Variants in ABLIM1 observed in about 807,000 individuals in gnomAD.
The protein encoded by ABLIM1 is actin-binding LIM protein 1.
In ABLIM1, 40 loss-of-function variants were observed where a neutral mutation model predicts 107.0. That is an observed-to-expected ratio of 0.37 (90% CI 0.29 to 0.49). ABLIM1 has a LOEUF of 0.49. Among genes scored for constraint, ABLIM1 ranks in the 20% least tolerant of loss-of-function variants. ABLIM1 has a pLI of 0.97. For missense variants in ABLIM1, 857 were observed against 1,008.5 expected, an observed-to-expected ratio of 0.85 and a Z score of 2.04; for synonymous variants, 357 against 357.3, an observed-to-expected ratio of 1.00 and a Z score of 0.01.
intron 6 of ABLIM1, among the ~76,000 whole-genome samples, chr10:114,494,554 C>T (rs2059423666): frequency 1.3e-5 from 2 of 150,844 alleles, no homozygotes; most frequent in Admixed American, 1.3e-4. Flanking sequence ...CCAAACCAAA[C>T]AACAACAACA....
chr10:114,759,050 G>A (rs185879685), intron 1 of ABLIM1, among the ~76,000 whole-genome samples: 120 of 152,114 alleles, frequency 7.9e-4, no homozygotes, highest in Non-Finnish European at 1.1e-3. Context: ...CAACATGATC[G>A]CCAATCAATC....
intron 14 of ABLIM1, chr10:114,450,077 A>T (rs887652140): frequency 1.3e-5 from 5 of 394,442 alleles, no homozygotes; most frequent in Non-Finnish European, 2.5e-5. Context: ...TAAGTTGACA[A>T]ATCAAATGCT....
chr10:114,701,017 G>T (rs897513101), intron 1 of ABLIM1, among the ~76,000 whole-genome samples: 7 of 151,946 alleles, frequency 4.6e-5, no homozygotes, highest in African/African-American at 1.7e-4. Context: ...TGGGAGAAAA[G>T]TATGTGCAAA....
chr10:114,707,176 T>C lies in ABLIM1; in HGVS notation c.-213+60885A>G, dbSNP rs955840442. On this transcript the variant is annotated intron_variant, in intron 1 of 15. Coordinates refer to the ABLIM1 transcript ENST00000651092. This position sits in a 1 kb window ranked among gnomAD's most constrained non-coding sequence, Gnocchi z 4.1. ...GACCACATGTGATGAGTGACTACCATACATACAGTGCAATTAGAGACCATC... is the reference window on the plus strand; with the variant it reads ...GACCACATGTGATGAGTGACTACCACACATACAGTGCAATTAGAGACCATC... 5.3e-5 allele frequency among the ~76,000 whole-genome samples: 8 copies of C among 152,184 alleles called. No homozygotes were observed. The highest frequency in any genetic ancestry group is 7.3e-5 in the Non-Finnish European group (5 of 68,038).
chr10:114,668,549 G>A (rs1328300259), intron 1 of ABLIM1, among the ~76,000 whole-genome samples: 1 of 152,088 alleles, frequency 6.6e-6, no homozygotes, highest in African/African-American at 2.4e-5. Flanking sequence ...TGTTGCCCAG[G>A]CTGGACTCAA....
At chr10:114,729,606 G>C (rs758693815) in intron 1 of ABLIM1, among the ~76,000 whole-genome samples, 7 of 152,068 alleles carry the variant, frequency 4.6e-5, no homozygotes, top group African/African-American at 1.7e-4. Context: ...GTAAGGAATG[G>C]AATCTGGACA....
intron 10 of ABLIM1, among the ~76,000 whole-genome samples, chr10:114,472,336 C>T (rs755347139): frequency 5.3e-5 from 8 of 151,940 alleles, no homozygotes; most frequent in African/African-American, 9.7e-5. Flanking sequence ...AGCAATCCTC[C>T]GGCCCTCAGC....
chr10:114,797,235 T>C, the ABLIM1 span, among the ~76,000 whole-genome samples: 1 of 152,214 alleles, frequency 6.6e-6, no homozygotes, highest in African/African-American at 2.4e-5. Context: ...AGATTTTAAG[T>C]TCCATCACTT....
At chr10:114,798,696 A>C in the ABLIM1 span, among the ~76,000 whole-genome samples, 1 of 151,972 alleles carries the variant, frequency 6.6e-6, no homozygotes, top group Non-Finnish European at 1.5e-5. Flanking sequence ...AGCTATGCTC[A>C]TGCCACTGCA....
rs11340316 is a variant in ABLIM1, at chr10:114,557,837, CAAA to C, written c.674-10064_674-10062del. On this transcript the variant is annotated intron_variant, in intron 4 of 22. Coordinates refer to ENST00000533213, the MANE Select transcript of ABLIM1 (RefSeq NM_002313.7). ...CTCAGAAAAGGACCCTTATGACTCT[CAAA>C]AAAAAAAAAAAAAATCAAAGAATTG... 8.8e-3 allele frequency among the ~76,000 whole-genome samples: 1,200 copies of C among 136,422 alleles called. 5 individuals are homozygous for C. The highest frequency in any genetic ancestry group is 0.019 in the Middle Eastern group (5 of 262). 89.5% of individuals were successfully genotyped at this position (136,422 alleles called of 152,430 possible). A position where few individuals can be genotyped will look rare whatever the true frequency, so the allele number is the denominator to read the frequency against.
chr10:114,785,854 G>A, the ABLIM1 span, among the ~76,000 whole-genome samples: 78 of 152,170 alleles, frequency 5.1e-4, no homozygotes, highest in Middle Eastern at 0.01. Context: ...TCAGCTTTGC[G>A]AGTAGCTGGG....
chr10:114,473,250 A>C, intron 9 of ABLIM1, 118 bp from the exon 10 acceptor site: 1 of 951,338 alleles, frequency 1.1e-6, no homozygotes, highest in Non-Finnish European at 1.6e-6. Flanking sequence ...AAAAACCAAA[A>C]CATCTTGCCT....
intron 2 of ABLIM1, among the ~76,000 whole-genome samples, chr10:114,585,511 C>G (rs1231156678): frequency 6.6e-6 from 1 of 152,180 alleles, no homozygotes; most frequent in Non-Finnish European, 1.5e-5. Context: ...GCTCCCCTGC[C>G]CGATCTCCCC....
intron 1 of ABLIM1, among the ~76,000 whole-genome samples, chr10:114,646,741 C>T (rs1209350333): frequency 6.6e-6 from 1 of 152,118 alleles, no homozygotes; most frequent in Non-Finnish European, 1.5e-5. Context: ...GCTGCTGCCA[C>T]ATATAGAAAA....
At chr10:114,763,255 T>G (rs1420839976) in intron 1 of ABLIM1, among the ~76,000 whole-genome samples, 1 of 152,306 alleles carries the variant, frequency 6.6e-6, no homozygotes, top group Admixed American at 6.5e-5. Flanking sequence ...GAGGTTTTGA[T>G]AGGAAGGGAG....
At chr10:114,498,649 T>G (rs1314101567) in intron 6 of ABLIM1, among the ~76,000 whole-genome samples, 1 of 152,210 alleles carries the variant, frequency 6.6e-6, no homozygotes, top group Non-Finnish European at 1.5e-5. Context: ...ACTTATAACT[T>G]ATGTTCTGCC....
At chr10:114,510,040 AC>A (rs2061640499) in intron 6 of ABLIM1, among the ~76,000 whole-genome samples, 1 of 151,994 alleles carries the variant, frequency 6.6e-6, no homozygotes, top group Admixed American at 6.6e-5. Flanking sequence ...GAAAAGACCC[AC>A]CCCCATGATT....
chr10:114,644,832 C>T (rs906108032), intron 1 of ABLIM1, among the ~76,000 whole-genome samples: 42 of 152,096 alleles, frequency 2.8e-4, no homozygotes, highest in African/African-American at 1.0e-3. Context: ...CATGTGTAGA[C>T]CAAAGTCCCA....
chr10:114,745,270 A>C (rs2082360313), intron 1 of ABLIM1, among the ~76,000 whole-genome samples: 1 of 152,198 alleles, frequency 6.6e-6, no homozygotes, highest in Non-Finnish European at 1.5e-5. Context: ...TAACTTAAAA[A>C]TATTTCCTGG....
Sources: gnomAD v4.1 joint callset for allele counts (sites outside exome capture counted in the v4.1 genomes callset) on GRCh38, gnomAD v4.1.1 for gene constraint, Gnocchi (gnomAD v3.1) non-coding constraint, MANE v1.5 for transcripts, NCBI Gene and HGNC (gene_info 2026-07-23, HGNC 2026-07-21) for gene names.